Variants in LOC122539214 observed in about 807,000 individuals in gnomAD.
chr19:52,670,062 C>T, the LOC122539214 span, among the ~76,000 whole-genome samples: 5 of 152,128 alleles, frequency 3.3e-5, no homozygotes, highest in African/African-American at 1.2e-4. Context: ...ACTTAACTTC[C>T]TCATAAAGCA....
the LOC122539214 span, among the ~76,000 whole-genome samples, chr19:52,680,907 C>T: frequency 5.3e-5 from 8 of 151,936 alleles, no homozygotes; most frequent in South Asian, 6.3e-4. Context: ...CCACCGCGCC[C>T]GGCCTCCACA....
chr19:52,665,410 GA>G, the LOC122539214 span, among the ~76,000 whole-genome samples: 16,141 of 151,380 alleles, frequency 0.11, 955 homozygotes, highest in African/African-American at 0.15. Flanking sequence ...GTCTCAATAA[GA>G]AAAAAAGTGA....
chr19:52,668,528 G>A, the LOC122539214 span, among the ~76,000 whole-genome samples: 1 of 152,096 alleles, frequency 6.6e-6, no homozygotes, highest in Non-Finnish European at 1.5e-5. Context: ...TCTTTAGGGT[G>A]TGCTTTTTTC....
At chr19:52,669,197 C>T in the LOC122539214 span, among the ~76,000 whole-genome samples, 1 of 152,184 alleles carries the variant, frequency 6.6e-6, no homozygotes, top group Non-Finnish European at 1.5e-5. Context: ...CCTGGCATTT[C>T]ATCAACCAGA....
At chr19:52,652,484 C>G in the LOC122539214 span, 2 of 440,768 alleles carry the variant, frequency 4.5e-6, no homozygotes, top group Non-Finnish European at 9.2e-6. Flanking sequence ...GTGAGGTTCT[C>G]TCCCATATGA....
At chr19:52,688,950 GA>G in the LOC122539214 span, among the ~76,000 whole-genome samples, 33,737 of 124,408 alleles carry the variant, frequency 0.27, 4,458 homozygotes, top group Admixed American at 0.36. Flanking sequence ...AAGGTTGAAG[GA>G]AAAAAAAAAA....
chr19:52,688,951 A>G, the LOC122539214 span, among the ~76,000 whole-genome samples: 1 of 1,506 alleles, frequency 6.6e-4, no homozygotes, highest in Non-Finnish European at 1.8e-3. Context: ...AGGTTGAAGG[A>G]AAAAAAAAAA....
the LOC122539214 span, chr19:52,650,490 C>G: frequency 6.6e-6 from 1 of 152,184 alleles, no homozygotes; most frequent in South Asian, 2.1e-4. Flanking sequence ...CTCTCGACCT[C>G]AGGTGATCCG....
chr19:52,652,669 T>C, the LOC122539214 span: 2 of 567,398 alleles, frequency 3.5e-6, no homozygotes, highest in African/African-American at 3.8e-5. Context: ...ATGGATTCTC[T>C]AATGATTTGC....
At chr19:52,683,228 CTGTGTGTGTGTGTGTGTGTGTGTG>C in the LOC122539214 span, among the ~76,000 whole-genome samples, 26,101 of 128,002 alleles carry the variant, frequency 0.2, 2,946 homozygotes, top group East Asian at 0.41. Context: ...CCCTGTGACT[CTGTGTGTGTGTGTGTGTGTGTGTG>C]TGTGTGTGTG....
chr19:52,664,514 G>A, the LOC122539214 span, among the ~76,000 whole-genome samples: 11 of 152,050 alleles, frequency 7.2e-5, no homozygotes, highest in African/African-American at 9.7e-5. Context: ...AAAAGAAGAA[G>A]AAGGAACCAC....
At chr19:52,652,911 A>G in the LOC122539214 span, 10 of 1,136,204 alleles carry the variant, frequency 8.8e-6, no homozygotes, top group Admixed American at 1.7e-5. Context: ...TCTCTCCACT[A>G]TGAAGTCTAT....
chr19:52,655,400 A>G, the LOC122539214 span: 12 of 703,222 alleles, frequency 1.7e-5, no homozygotes, highest in Middle Eastern at 4.1e-4. Context: ...ATAGTCTCTA[A>G]GAAGCTGTCT....
At chr19:52,654,030 G>A in the LOC122539214 span, 2 of 1,572,146 alleles carry the variant, frequency 1.3e-6, no homozygotes, top group Non-Finnish European at 1.7e-6. Flanking sequence ...TTGAAACCAA[G>A]GAAGCATTGT....
chr19:52,684,291 T>C, the LOC122539214 span, among the ~76,000 whole-genome samples: 3 of 151,556 alleles, frequency 2.0e-5, no homozygotes, highest in African/African-American at 7.3e-5. Flanking sequence ...GCTTGAACTC[T>C]GGTGGTGGAG....
chr19:52,686,377 C>G, the LOC122539214 span, among the ~76,000 whole-genome samples: 105,670 of 151,162 alleles, frequency 0.7, 38,301 homozygotes, highest in African/African-American at 0.91. Flanking sequence ...TGCCACAAAG[C>G]CATCTTTCAG....
chr19:52,659,053 G>A, the LOC122539214 span, among the ~76,000 whole-genome samples: 1 of 152,130 alleles, frequency 6.6e-6, no homozygotes, highest in South Asian at 2.1e-4. Flanking sequence ...GTCGGTGTAC[G>A]TTTCATTCAT....
chr19:52,653,375 C>G, the LOC122539214 span: 8 of 1,081,594 alleles, frequency 7.4e-6, no homozygotes, highest in Non-Finnish European at 1.1e-5. Flanking sequence ...CGCTGGAAAA[C>G]CTTGCCACAT....
the LOC122539214 span, among the ~76,000 whole-genome samples, chr19:52,679,608 C>T: frequency 6.6e-6 from 1 of 152,106 alleles, no homozygotes; most frequent in Admixed American, 6.6e-5. Flanking sequence ...GAGACTGTAT[C>T]TCAAAAAATA....
Sources: gnomAD v4.1 joint callset for allele counts (sites outside exome capture counted in the v4.1 genomes callset) on GRCh38, gnomAD v4.1.1 for gene constraint, MANE v1.5 for transcripts.